PCNX1: variants seen among roughly 807,000 people sequenced by gnomAD.
PCNX1 encodes the protein pecanex-like protein 1.
PCNX1 carries 78 observed loss-of-function variants against 242.2 expected under a neutral mutation model. That is an observed-to-expected ratio of 0.32 (90% CI 0.27 to 0.39). The LOEUF (loss-of-function observed/expected upper bound fraction) is 0.39, where lower values mean the gene tolerates loss of function less well. Ranked by LOEUF, PCNX1 falls within the 10% of genes least tolerant of loss-of-function variation. The pLI, the probability that PCNX1 is intolerant of heterozygous loss-of-function variation, is 1.00. For missense variants in PCNX1, 2,581 were observed against 2,856.5 expected, an observed-to-expected ratio of 0.90 and a Z score of 2.20; for synonymous variants, 1,024 against 1,032.9, an observed-to-expected ratio of 0.99 and a Z score of 0.17.
chr14:71,044,482 A>G (rs1428704109), intron 19 of PCNX1: 1 of 152,298 alleles, frequency 6.6e-6, no homozygotes, highest in African/African-American at 2.4e-5. Flanking sequence ...TGTCCTGTGC[A>G]CTTGGACAAG....
At chr14:70,944,157 C>T (rs1466060279) in intron 1 of PCNX1, among the ~76,000 whole-genome samples, 2 of 152,128 alleles carry the variant, frequency 1.3e-5, no homozygotes, top group African/African-American at 4.8e-5. Context: ...GGGCTGCTGT[C>T]GTCCAGTCCA....
chr14:70,923,632 C>T (rs933734538), intron 1 of PCNX1, among the ~76,000 whole-genome samples: 15 of 152,104 alleles, frequency 9.9e-5, no homozygotes, highest in African/African-American at 3.6e-4. Context: ...GTCTGCCTCT[C>T]CCCTACCATA....
chr14:70,932,581 TTTTA>T (rs2056843974), intron 1 of PCNX1, among the ~76,000 whole-genome samples: 1 of 151,634 alleles, frequency 6.6e-6, no homozygotes, highest in Admixed American at 6.6e-5. Context: ...AAGTTTTTAT[TTTTA>T]TTTATCTAAT....
At chr14:71,045,366 A>G in intron 20 of PCNX1, 83 bp downstream of exon 20, 1 of 938,034 alleles carries the variant, frequency 1.1e-6, no homozygotes. Context: ...AGTTAAGTGA[A>G]TATCATAACA....
At chr14:70,912,281 G>T (rs560341367) in intron 1 of PCNX1, among the ~76,000 whole-genome samples, 1 of 152,032 alleles carries the variant, frequency 6.6e-6, no homozygotes, top group African/African-American at 2.4e-5. Flanking sequence ...AATTTATTAC[G>T]TAAGTGGTTC....
chr14:71,044,758 G>A lies in PCNX1; in HGVS notation c.3868-375G>A, dbSNP rs572533565. 8 of 180,298 alleles carry A rather than the reference G, an allele frequency of 4.4e-5. 1 individual carries two copies. The South Asian group carries it at 4.6e-4, about 10-fold the overall frequency. 11.2% of individuals were successfully genotyped at this position (180,298 alleles called of 1,614,324 possible). On this transcript the variant is annotated intron_variant, in intron 19 of 35. Coordinates refer to ENST00000304743, the MANE Select transcript of PCNX1 (RefSeq NM_014982.3). The stretch of plus-strand genomic sequence containing the variant: ...AACAGTGCACTCAGCCAACTGTTCC[G>A]GGTGGACCCCACCTTACCCCATTAT...
rs757017343 is a variant in PCNX1, at chr14:71,057,588, G to A, written c.4716G>A (p.Leu1572=). ...TACAGCACAGCCTCTGTGGTGATTT[G>A]CTACTAGGACGGTGGGGAAACTACA... is the stretch of plus-strand genomic sequence containing the variant. ...RSLQHSLCGD[L]LLGRWGNYST... is the part of the protein sequence containing the mutation. Residue 1572 remains leucine (L), a synonymous_variant, in exon 26 of 36, where the codon TTG becomes TTA. Transcript: ENST00000304743. 1.9e-6 allele frequency: 3 copies of A among 1,613,796 alleles called. No homozygotes were observed. Among genetic ancestry groups the A allele is most frequent in the South Asian group, 1.1e-5 (1 of 91,082 alleles).
chr14:71,104,517 A>C (rs1327403348), intron 32 of PCNX1, among the ~76,000 whole-genome samples: 4 of 152,178 alleles, frequency 2.6e-5, no homozygotes, highest in Non-Finnish European at 4.4e-5. Flanking sequence ...TTTTTTAAAA[A>C]TAGGAAAAAT....
In PCNX1 at chr14:71,114,367, G is replaced by GAATT. The variant is rs1247085630; in HGVS notation, c.*4438_*4441dup. On this transcript the variant is annotated 3_prime_UTR_variant, in exon 36 of 36. Coordinates refer to ENST00000304743, the MANE Select transcript of PCNX1 (RefSeq NM_014982.3). Reference sequence around the variant, plus strand: ...TCTAGGAAGAACTGTGATTGGAAAGGAATTAATTATTATACAAATAAATCT... The same window carrying GAATT: ...TCTAGGAAGAACTGTGATTGGAAAGGAATTAATTAATTATTATACAAATAAATCT... 27 of 152,148 alleles carry GAATT rather than the reference G, an allele frequency of 1.8e-4. No homozygotes were observed. The highest frequency in any genetic ancestry group is 6.0e-4 in the African/African-American group (25 of 41,414). The allele number at this position is 152,148 out of a possible 1,614,324, so 9.4% of individuals were successfully genotyped here.
At chr14:71,073,153 C>T (rs1233616706) in intron 26 of PCNX1, among the ~76,000 whole-genome samples, 3 of 152,110 alleles carry the variant, frequency 2.0e-5, no homozygotes, top group Non-Finnish European at 2.9e-5. Flanking sequence ...ATTAGCTGGG[C>T]CTGGTGGCGC....
intron 1 of PCNX1, among the ~76,000 whole-genome samples, chr14:70,922,682 T>C (rs1010719607): frequency 6.6e-6 from 1 of 152,064 alleles, no homozygotes; most frequent in Non-Finnish European, 1.5e-5. Context: ...TAACTCTTCT[T>C]CATTTTTTGA....
At chr14:70,968,660 C>T (rs1034620281) in intron 4 of PCNX1, among the ~76,000 whole-genome samples, 9 of 152,176 alleles carry the variant, frequency 5.9e-5, no homozygotes, top group African/African-American at 2.2e-4. Flanking sequence ...ATTGTTTTCA[C>T]CCTATAGTTT....
Position 70,988,686 on chromosome 14 carries a change from G to A in PCNX1, c.2431G>A (p.Gly811Arg), listed in dbSNP as rs777661847. 5.1e-5 allele frequency: 82 copies of A among 1,613,676 alleles called. No individual in the cohort carries two copies. Among genetic ancestry groups the A allele is most frequent in the East Asian group, 2.5e-4 (11 of 44,886 alleles). The change falls in exon 7 of 36, where the codon GGA becomes AGA. Residue 811 changes from glycine (G) to arginine (R), a missense_variant. Around this residue, in one of 9 missense-constraint regions of PCNX1, gnomAD observed 1,204 missense variants for 1,216.7 expected, o/e 0.99. Transcript: ENST00000304743. ...SNPTPPTLLIGSPLSLQDGQQ... is the reference protein window; with the variant it reads ...SNPTPPTLLIRSPLSLQDGQQ... ...CCCTACCCCTCCTACATTGCTCATCGGATCACCCCTAAGGTATGGTATTTT... is the reference window on the plus strand; with the variant it reads ...CCCTACCCCTCCTACATTGCTCATCAGATCACCCCTAAGGTATGGTATTTT...
chr14:70,968,750 T>G (rs2058454712), intron 4 of PCNX1, among the ~76,000 whole-genome samples: 1 of 152,236 alleles, frequency 6.6e-6, no homozygotes, highest in African/African-American at 2.4e-5. Context: ...TAAATTCCAC[T>G]TGTTTTTAAA....
intron 1 of PCNX1, among the ~76,000 whole-genome samples, chr14:70,926,355 T>A (rs2056591767): frequency 6.6e-6 from 1 of 152,208 alleles, no homozygotes; most frequent in Non-Finnish European, 1.5e-5. Context: ...ACCTGCTCCT[T>A]CACTCTCGCT....
At chr14:71,062,588 C>T (rs752347110) in intron 26 of PCNX1, among the ~76,000 whole-genome samples, 4 of 151,442 alleles carry the variant, frequency 2.6e-5, no homozygotes, top group African/African-American at 4.8e-5. Flanking sequence ...TTAATTTAAG[C>T]GTTATTACAA....
chr14:70,966,377 T>G (rs534881563), intron 3 of PCNX1, among the ~76,000 whole-genome samples: 528 of 152,342 alleles, frequency 3.5e-3, no homozygotes, highest in African/African-American at 0.012. Flanking sequence ...TTGGCATCTC[T>G]GCAGTTCTCT....
intron 24 of PCNX1, 34 bp downstream of exon 24, chr14:71,052,046 T>C (rs753179757): frequency 2.3e-5 from 36 of 1,539,328 alleles, no homozygotes; most frequent in African/African-American, 4.1e-5. Flanking sequence ...AAACAATTTT[T>C]ATCTTTCCTA....
chr14:70,922,884 A>G (rs2056434678), intron 1 of PCNX1, among the ~76,000 whole-genome samples: 1 of 152,054 alleles, frequency 6.6e-6, no homozygotes, highest in South Asian at 2.1e-4. Flanking sequence ...CGGTATGCAC[A>G]TTTAAAATCA....
Sources: allele counts gnomAD v4.1 joint callset (sites outside exome capture counted in the v4.1 genomes callset), GRCh38; gene constraint gnomAD v4.1.1; regional missense constraint gnomAD v4.1.1; transcripts MANE v1.5; gene names NCBI Gene and HGNC (gene_info 2026-07-23, HGNC 2026-07-21).